The following MTRR variants were observed in gnomAD, a reference collection of about 807,000 sequenced individuals.
MTRR encodes methionine synthase reductase.
A neutral mutation model predicts 79.2 loss-of-function variants in MTRR; 63 were observed. The observed-to-expected ratio is 0.80, with a 90% CI of 0.65 to 0.98. The LOEUF is 0.98. Among genes scored for constraint, MTRR ranks in the 50% least tolerant of loss-of-function variants. The probability of loss-of-function intolerance (pLI) is 0.00; values close to 1 mark genes in which losing one functional copy is unlikely to be tolerated. For synonymous variants in MTRR, 355 were observed against 313.3 expected (o/e 1.13, Z -1.41); for missense variants, 895 against 839.6 (o/e 1.07, Z -0.82).
chr5:7,866,000 C>A (rs751583548), upstream of MTRR: 9 of 1,601,016 alleles, frequency 5.6e-6, no homozygotes, highest in Admixed American at 5.0e-5. Flanking sequence ...CAGAAAGCAT[C>A]CCAGTCATAG....
At chr5:7,864,120 C>T (rs867648000), upstream of MTRR, among the ~76,000 whole-genome samples, 4 of 152,006 alleles carry the variant, frequency 2.6e-5, no homozygotes, top group Non-Finnish European at 2.9e-5. Context: ...AAAAGTGCTG[C>T]GATTACAGGC....
At chr5:7,876,447 C>T (rs1177682322) in intron 4 of MTRR, among the ~76,000 whole-genome samples, 1 of 152,226 alleles carries the variant, frequency 6.6e-6, no homozygotes, top group Non-Finnish European at 1.5e-5. Context: ...CCATATTTCA[C>T]TTCTCTTCAA....
chr5:7,850,876 C>T (rs1444706062), upstream of MTRR: 3 of 1,325,314 alleles, frequency 2.3e-6, no homozygotes, highest in African/African-American at 1.5e-5. Context: ...GGTCCTCACC[C>T]GCGCCGGGCG....
At chr5:7,864,273 A>G (rs1746773384), upstream of MTRR, among the ~76,000 whole-genome samples, 1 of 147,756 alleles carries the variant, frequency 6.8e-6, no homozygotes, top group Non-Finnish European at 1.5e-5. Context: ...CATGAACATA[A>G]TAAGTATATA....
chr5:7,855,669 A>G (rs562386018), intron 1 of MTRR, among the ~76,000 whole-genome samples: 1 of 152,230 alleles, frequency 6.6e-6, no homozygotes, highest in South Asian at 2.1e-4. Flanking sequence ...TTCAATTCTT[A>G]TACTTTTCTT....
At chr5:7,873,275 A>T in intron 2 of MTRR, 98 bp from the exon 3 acceptor site, 2 of 1,492,458 alleles carry the variant, frequency 1.3e-6, no homozygotes, top group South Asian at 2.3e-5. Flanking sequence ...AAGAAGATTG[A>T]AATACAAGAC....
intron 5 of MTRR, among the ~76,000 whole-genome samples, chr5:7,878,978 A>G (rs1361168991): frequency 1.3e-5 from 2 of 152,196 alleles, no homozygotes; most frequent in Non-Finnish European, 2.9e-5. Context: ...TGTTTTTTTT[A>G]ATGAAGACAG....
At chr5:7,896,826 T>C in intron 12 of MTRR, 38 bp from the exon 13 acceptor site, 2 of 1,534,596 alleles carry the variant, frequency 1.3e-6, no homozygotes, top group Non-Finnish European at 1.8e-6. Context: ...TACATATTCT[T>C]TATATCACAC....
upstream of MTRR, among the ~76,000 whole-genome samples, chr5:7,864,133 G>A (rs1341203613): frequency 6.6e-6 from 1 of 152,202 alleles, no homozygotes; most frequent in African/African-American, 2.4e-5. Flanking sequence ...TTACAGGCAT[G>A]AGCCACTGCG....
At chr5:7,890,029 C>T (rs1406193678) in intron 9 of MTRR, among the ~76,000 whole-genome samples, 1 of 152,126 alleles carries the variant, frequency 6.6e-6, no homozygotes, top group African/African-American at 2.4e-5. Context: ...GAAGACTAAG[C>T]GCTTTATAGG....
At position 7,877,984 on chromosome 5, in the gene MTRR, C is replaced by G; in HGVS notation, c.442C>G (p.Pro148Ala). 6.2e-7 allele frequency: 1 copy of G among 1,613,450 alleles called. No individual in the cohort carries two copies. The highest frequency in any genetic ancestry group is 8.5e-7 in the Non-Finnish European group (1 of 1,179,972). Residue 148 changes from proline to alanine, a missense_variant, in exon 5 of 15, where the codon CCA becomes GCA. Physicochemically the swap from Pro to Ala is conservative, Grantham distance 27. Transcript: ENST00000440940. ...VVEPWIAGLW[P>A]ALRKHFRSSR... ...TGAGCCGTGGATTGCTGGACTCTGG[C>G]CAGCCCTCAGAAAGCATTTTAGGTC...
At chr5:7,864,899 G>T (rs1746827842), upstream of MTRR, among the ~76,000 whole-genome samples, 1 of 151,856 alleles carries the variant, frequency 6.6e-6, no homozygotes, top group African/African-American at 2.4e-5. Context: ...AACCAAAAAG[G>T]CTCTAGTATG....
intron 14 of MTRR, 40 bp from the exon 15 acceptor site, chr5:7,899,874 G>A: frequency 4.3e-6 from 7 of 1,613,046 alleles, no homozygotes; most frequent in Non-Finnish European, 5.9e-6. Flanking sequence ...TACTAAAAAT[G>A]CCTGTTTGTA....
At chr5:7,854,810 G>T (rs1746190716) in intron 1 of MTRR, among the ~76,000 whole-genome samples, 1 of 152,198 alleles carries the variant, frequency 6.6e-6, no homozygotes, top group South Asian at 2.1e-4. Flanking sequence ...CTGAGTCCCA[G>T]AGCTGAAGAA....
At position 7,869,227 on chromosome 5, in the gene MTRR, G is replaced by A. The variant is rs772356774; in HGVS notation, c.-26+12G>A. 23 of 1,603,854 alleles carry A rather than the reference G, an allele frequency of 1.4e-5. No individual in the cohort carries two copies. In the South Asian group the frequency reaches 2.4e-4, roughly 17 times the overall value. ...CTGGCGCGGCGTGGGTAAGCTGCCT[G>A]TCGGCTACGGTTCCCGGATTCCGGC... On this transcript the variant is annotated intron_variant, in intron 1 of 14. Transcript: ENST00000440940.
chr5:7,895,971 T>G, intron 12 of MTRR, 119 bp downstream of exon 12: 1 of 1,274,634 alleles, frequency 7.8e-7, no homozygotes, highest in Non-Finnish European at 1.1e-6. Flanking sequence ...TATTATTCAA[T>G]GTGCGATAAC....
At chr5:7,891,505 A>G in intron 10 of MTRR, 91 bp downstream of exon 10, 2 of 1,095,560 alleles carry the variant, frequency 1.8e-6, no homozygotes, top group Non-Finnish European at 2.8e-6. Context: ...TAATTTATTC[A>G]GTGAAAACTT....
In MTRR at chr5:7,892,828, G is replaced by T. The variant is rs148284479; in HGVS notation, c.1472G>T (p.Gly491Val). The T allele has an allele frequency of 2.5e-6, 4 of 1,614,054 alleles. No individual in the cohort carries two copies. Among genetic ancestry groups the T allele is most frequent in the Non-Finnish European group, 3.4e-6 (4 of 1,180,026 alleles). The change falls in exon 11 of 15, where the codon GGC becomes GTC. Residue 491 changes from glycine to valine, a missense_variant. Transcript: ENST00000440940. ...TEVLRKGVCT[G>V]WLALLVASVL... is the part of the protein sequence containing the mutation. The stretch of plus-strand genomic sequence containing the variant: ...GTTCTGCGGAAGGGAGTATGTACAG[G>T]CTGGCTGGCCTTGTTGGTTGCTTCA...
chr5:7,867,810 G>A (rs1469128509), upstream of MTRR: 1 of 1,614,116 alleles, frequency 6.2e-7, no homozygotes, highest in Non-Finnish European at 8.5e-7. Flanking sequence ...TTAACATTTT[G>A]TTCAAGCCTG....
Sources: allele counts gnomAD v4.1 joint callset (sites outside exome capture counted in the v4.1 genomes callset), GRCh38; gene constraint gnomAD v4.1.1; transcripts MANE v1.5; gene names NCBI Gene and HGNC (gene_info 2026-07-23, HGNC 2026-07-21).